Variants in CDC73 observed in about 807,000 individuals in gnomAD.
CDC73 encodes cell division cycle 73, also known as parafibromin.
CDC73 carries 21 observed loss-of-function variants against 83.7 expected under a neutral mutation model. The ratio of observed to expected loss-of-function variants is 0.25; its 90% CI spans 0.18 to 0.36. CDC73 has a LOEUF of 0.36. Ranked by LOEUF, CDC73 falls within the 10% of genes least tolerant of loss-of-function variation. The pLI, the probability that CDC73 is intolerant of heterozygous loss-of-function variation, is 1.00. For synonymous variants in CDC73, 224 were observed against 212.9 expected (o/e 1.05, Z -0.45); for missense variants, 342 against 653.3 (o/e 0.52, Z 5.19).
chr1:193,232,445 G>A (rs1223273181), intron 13 of CDC73, among the ~76,000 whole-genome samples: 1 of 151,850 alleles, frequency 6.6e-6, no homozygotes, highest in African/African-American at 2.4e-5. Flanking sequence ...ATTGTGTGGT[G>A]TTACACACAC....
intron 13 of CDC73, among the ~76,000 whole-genome samples, chr1:193,228,258 A>G (rs1201245226): frequency 6.6e-6 from 1 of 152,156 alleles, no homozygotes; most frequent in Non-Finnish European, 1.5e-5. Flanking sequence ...ACATGCACAA[A>G]ATAGTGATGG....
intron 13 of CDC73, among the ~76,000 whole-genome samples, chr1:193,219,685 A>G (rs1338848288): frequency 1.3e-5 from 2 of 152,214 alleles, no homozygotes; most frequent in African/African-American, 4.8e-5. Context: ...GACATCGAGT[A>G]CATGTTGGAC....
chr1:193,181,905 G>A (rs528426223), intron 10 of CDC73, among the ~76,000 whole-genome samples: 1 of 152,124 alleles, frequency 6.6e-6, no homozygotes, highest in African/African-American at 2.4e-5. Flanking sequence ...ATGAGGTGAT[G>A]GATTCATTTC....
chr1:193,245,870 A>G (rs1288477270), intron 15 of CDC73, among the ~76,000 whole-genome samples: 3 of 151,942 alleles, frequency 2.0e-5, no homozygotes, highest in Admixed American at 2.0e-4. Context: ...TTTGATTTGG[A>G]TTTCCTGACG....
chr1:193,133,541 C>T (rs1422794802), intron 3 of CDC73, among the ~76,000 whole-genome samples: 2 of 152,032 alleles, frequency 1.3e-5, no homozygotes, highest in South Asian at 4.1e-4. Flanking sequence ...ACTAGATACA[C>T]TAATAAAAAA....
At chr1:193,185,565 A>G (rs1230719011) in intron 10 of CDC73, among the ~76,000 whole-genome samples, 2 of 152,016 alleles carry the variant, frequency 1.3e-5, no homozygotes, top group South Asian at 2.1e-4. Context: ...AGGACTTTGA[A>G]AAAAAAACTC....
chr1:193,181,548 C>G, intron 10 of CDC73: 1 of 1,592,640 alleles, frequency 6.3e-7, no homozygotes. Flanking sequence ...AGTGTCTTCT[C>G]CTCCACTGAA....
chr1:193,184,501 T>C (rs1430747750), intron 10 of CDC73, among the ~76,000 whole-genome samples: 1 of 150,674 alleles, frequency 6.6e-6, no homozygotes, highest in African/African-American at 2.5e-5. Flanking sequence ...TATTAATGTG[T>C]ATTTATAGCT....
intron 13 of CDC73, among the ~76,000 whole-genome samples, chr1:193,215,672 C>T (rs1005605744): frequency 2.7e-5 from 4 of 149,876 alleles, no homozygotes; most frequent in African/African-American, 9.9e-5. Flanking sequence ...TCTCTGCAAC[C>T]TCTGCCTCCT....
chr1:193,216,852 C>A (rs868022447), intron 13 of CDC73, among the ~76,000 whole-genome samples: 1 of 152,296 alleles, frequency 6.6e-6, no homozygotes, highest in Middle Eastern at 3.4e-3. Flanking sequence ...ACATGGTCAT[C>A]TCAGTAGATG....
chr1:193,152,056 C>T (rs1410771216), intron 9 of CDC73, among the ~76,000 whole-genome samples: 1 of 152,032 alleles, frequency 6.6e-6, no homozygotes. Context: ...TTTAGTGGTA[C>T]TATCATTGAG....
chr1:193,142,368 C>A (rs940853428), intron 7 of CDC73, among the ~76,000 whole-genome samples: 1 of 152,058 alleles, frequency 6.6e-6, no homozygotes, highest in Admixed American at 6.6e-5. Flanking sequence ...TTTGCTTAAA[C>A]CTAATAAATG....
intron 3 of CDC73, among the ~76,000 whole-genome samples, chr1:193,132,667 A>C (rs140879637): frequency 1.4e-4 from 22 of 151,766 alleles, no homozygotes; most frequent in Non-Finnish European, 2.8e-4. Flanking sequence ...GTGTTTCTCT[A>C]ACTTTTTAAG....
rs575373892 is a variant in CDC73 at position 193,247,901 on chromosome 1, T to C, written c.1418-1829T>C. Among the ~76,000 whole-genome samples the C allele has an allele frequency of 2.0e-5, 3 of 152,136 alleles. No individual in the cohort carries two copies. The East Asian group carries it at 5.8e-4, about 29-fold the overall frequency. On this transcript the variant is annotated intron_variant, in intron 15 of 16. Coordinates refer to ENST00000367435, the MANE Select transcript of CDC73 (RefSeq NM_024529.5). ...AAGGAAGTAAGCCATCTCTATAAAA[T>C]AAAAGTGTAAGGTGAAGCAGCAAGT...
intron 10 of CDC73, among the ~76,000 whole-genome samples, chr1:193,156,820 T>C (rs1676215444): frequency 6.6e-6 from 1 of 152,166 alleles, no homozygotes; most frequent in Non-Finnish European, 1.5e-5. Flanking sequence ...TTCCTTTTCT[T>C]CCTCTTTCCT....
At chr1:193,190,968 G>A (rs1004699895) in intron 10 of CDC73, among the ~76,000 whole-genome samples, 2 of 152,102 alleles carry the variant, frequency 1.3e-5, no homozygotes, top group African/African-American at 4.8e-5. Flanking sequence ...GTAGTGTGTG[G>A]GACAGTCTTT....
At chr1:193,153,704 A>G (rs1676160011) in intron 10 of CDC73, among the ~76,000 whole-genome samples, 1 of 152,200 alleles carries the variant, frequency 6.6e-6, no homozygotes, top group Non-Finnish European at 1.5e-5. Context: ...AATTGTCATC[A>G]GATTTGTTTT....
chr1:193,149,309 A>AG (rs1485497102), intron 8 of CDC73, among the ~76,000 whole-genome samples: 2 of 151,936 alleles, frequency 1.3e-5, no homozygotes, highest in Non-Finnish European at 2.9e-5. Flanking sequence ...TCAGATCCTC[A>AG]GGGTTTAGTT....
chr1:193,169,945 C>T (rs969448009), intron 10 of CDC73, among the ~76,000 whole-genome samples: 2 of 152,136 alleles, frequency 1.3e-5, no homozygotes, highest in African/African-American at 2.4e-5. Flanking sequence ...GATCCTCTCT[C>T]TCTGCTCTCC....
Sources: allele counts gnomAD v4.1 joint callset (sites outside exome capture counted in the v4.1 genomes callset), GRCh38; gene constraint gnomAD v4.1.1; transcripts MANE v1.5; gene names NCBI Gene and HGNC (gene_info 2026-07-23, HGNC 2026-07-21).